The following ANAPC10 variants were observed in gnomAD, a reference collection of about 807,000 sequenced individuals.
The protein encoded by ANAPC10 is anaphase promoting complex subunit 10.
A neutral mutation model predicts 22.0 loss-of-function variants in ANAPC10; 12 were observed. The ratio of observed to expected loss-of-function variants is 0.55; its 90% CI spans 0.35 to 0.88. The LOEUF (loss-of-function observed/expected upper bound fraction) is 0.88. Among genes scored for constraint, ANAPC10 ranks in the 40% least tolerant of loss-of-function variants. The pLI is 0.01. For missense variants in ANAPC10, 188 were observed against 220.9 expected, an observed-to-expected ratio of 0.85 and a Z score of 0.94; for synonymous variants, 65 against 69.5, an observed-to-expected ratio of 0.94 and a Z score of 0.32.
chr4:145,006,495 T>C (rs919031248), intron 4 of ANAPC10, among the ~76,000 whole-genome samples: 5 of 152,102 alleles, frequency 3.3e-5, no homozygotes, highest in African/African-American at 1.2e-4. Flanking sequence ...TCAGACCAGA[T>C]GATACAAGAA....
At chr4:145,008,828 G>A (rs1304664388) in intron 4 of ANAPC10, among the ~76,000 whole-genome samples, 1 of 152,174 alleles carries the variant, frequency 6.6e-6, no homozygotes, top group Non-Finnish European at 1.5e-5. Context: ...AGTGTTGGAA[G>A]TTCTGGCCAG....
At chr4:145,013,996 G>C (rs1217620938) in intron 4 of ANAPC10, among the ~76,000 whole-genome samples, 2 of 152,114 alleles carry the variant, frequency 1.3e-5, no homozygotes, top group Non-Finnish European at 2.9e-5. Flanking sequence ...CAGGAGGGCG[G>C]CCAGCGGTGC....
chr4:145,083,103 T>C (rs537022930), intron 2 of ANAPC10, among the ~76,000 whole-genome samples: 2 of 152,170 alleles, frequency 1.3e-5, no homozygotes, highest in African/African-American at 4.8e-5. Context: ...ACTTAACATA[T>C]CTGGAGTTTT....
chr4:145,081,428 C>T (rs985210251), intron 3 of ANAPC10: 3 of 327,578 alleles, frequency 9.2e-6, no homozygotes, highest in Non-Finnish European at 1.6e-5. Flanking sequence ...TGAGAAACAT[C>T]TACATAAAAG....
At chr4:145,039,634 C>T (rs918544589) in intron 4 of ANAPC10, among the ~76,000 whole-genome samples, 2 of 151,912 alleles carry the variant, frequency 1.3e-5, no homozygotes, top group African/African-American at 4.8e-5. Flanking sequence ...CTCGCTCTGT[C>T]GCCTGGCTGG....
chr4:145,000,369 A>ACAAAC (rs1732337813), intron 4 of ANAPC10, among the ~76,000 whole-genome samples: 4 of 151,402 alleles, frequency 2.6e-5, no homozygotes, highest in Non-Finnish European at 5.9e-5. Flanking sequence ...AGAAAAAAAA[A>ACAAAC]CCATCAAAAA....
chr4:145,050,772 T>G (rs1740988840), intron 4 of ANAPC10, among the ~76,000 whole-genome samples: 1 of 152,220 alleles, frequency 6.6e-6, no homozygotes, highest in Non-Finnish European at 1.5e-5. Context: ...TGTAGCTTCC[T>G]CACCTCTCTC....
chr4:145,053,069 G>A (rs1741375045), intron 4 of ANAPC10, among the ~76,000 whole-genome samples: 5 of 152,122 alleles, frequency 3.3e-5, no homozygotes, highest in Admixed American at 3.3e-4. Flanking sequence ...TGATGAGGAA[G>A]AAGATTCAGA....
At position 145,036,912 on chromosome 4, in the gene ANAPC10, T is replaced by G. The variant is rs151148471; in HGVS notation, c.327+27660A>C. On this transcript the variant is annotated intron_variant, in intron 4 of 4. Transcript: ENST00000507656. ...AAGTTAACATAAAAAGGAAGGATCA[T>G]AGTTTTCCCTAAAGGGTAGGGGAAG... Among the ~76,000 whole-genome samples the G allele has an allele frequency of 4.1e-3, 616 of 151,942 alleles. 8 individuals carry two copies. The highest frequency in any genetic ancestry group is 0.014 in the African/African-American group (570 of 41,442).
intron 4 of ANAPC10, among the ~76,000 whole-genome samples, chr4:145,057,620 C>T (rs1274468365): frequency 6.6e-6 from 1 of 152,102 alleles, no homozygotes; most frequent in African/African-American, 2.4e-5. Context: ...GATCCATATA[C>T]CATACCCTAC....
intron 3 of ANAPC10, among the ~76,000 whole-genome samples, chr4:145,067,075 G>C (rs1016066219): frequency 1.3e-5 from 2 of 152,064 alleles, no homozygotes; most frequent in South Asian, 4.2e-4. Context: ...ATTTGCATAG[G>C]AAACTGTGAC....
intron 4 of ANAPC10, among the ~76,000 whole-genome samples, chr4:145,037,030 G>GTGTGTC (rs1738665131): frequency 7.0e-6 from 1 of 142,042 alleles, no homozygotes; most frequent in African/African-American, 2.6e-5. Context: ...GTGTGTGTGT[G>GTGTGTC]TGTGTGTGTA....
chr4:145,096,230 A>G (rs1748495826), intron 1 of ANAPC10, 119 bp from the exon 2 acceptor site: 2 of 1,047,820 alleles, frequency 1.9e-6, no homozygotes, highest in Admixed American at 5.4e-5. Flanking sequence ...ATTTATTCTG[A>G]AGAATGCAGT....
At chr4:145,027,396 G>A (rs1189841574) in intron 4 of ANAPC10, among the ~76,000 whole-genome samples, 2 of 151,968 alleles carry the variant, frequency 1.3e-5, no homozygotes, top group African/African-American at 2.4e-5. Flanking sequence ...TAATGCAGGA[G>A]GTTATCATAG....
rs116601349 is a variant in ANAPC10, at chr4:145,092,766, C to A, written c.115+3219G>T. On this transcript the variant is annotated intron_variant, in intron 2 of 4. Transcript: ENST00000507656. ...CAAAACGTTCTACCCTCCTTCCAAA[C>A]CCTTCTCTCCCATAGAGGAAAGGAC... Among the ~76,000 whole-genome samples the A allele has an allele frequency of 2.9e-3, 439 of 152,270 alleles. 4 individuals carry two copies. The highest frequency in any genetic ancestry group is 7.8e-3 in the African/African-American group (323 of 41,548).
At chr4:145,062,029 CTCCAGCCT>C (rs1476660353) in intron 4 of ANAPC10, among the ~76,000 whole-genome samples, 4 of 150,610 alleles carry the variant, frequency 2.7e-5, no homozygotes, top group Admixed American at 1.3e-4. Context: ...GGCCATTGCA[CTCCAGCCT>C]GGGTGACAGA....
chr4:145,006,005 T>A (rs1420805849), intron 4 of ANAPC10, among the ~76,000 whole-genome samples: 1 of 152,174 alleles, frequency 6.6e-6, no homozygotes, highest in Non-Finnish European at 1.5e-5. Flanking sequence ...ATCCTGAATA[T>A]CTGTGTTAGT....
At chr4:145,016,087 C>A (rs1301386781) in intron 4 of ANAPC10, among the ~76,000 whole-genome samples, 5 of 152,122 alleles carry the variant, frequency 3.3e-5, no homozygotes, top group Non-Finnish European at 5.9e-5. Flanking sequence ...TCTCACCACT[C>A]CTATTCAACA....
At chr4:145,025,685 TACTACAAGA>T (rs1736562005) in intron 4 of ANAPC10, among the ~76,000 whole-genome samples, 1 of 152,170 alleles carries the variant, frequency 6.6e-6, no homozygotes, top group Non-Finnish European at 1.5e-5. Flanking sequence ...AAGTTTGAAA[TACTACAAGA>T]ATTACCAAAA....
Sources: allele counts gnomAD v4.1 joint callset (sites outside exome capture counted in the v4.1 genomes callset), GRCh38; gene constraint gnomAD v4.1.1; transcripts MANE v1.5; gene names NCBI Gene and HGNC (gene_info 2026-07-23, HGNC 2026-07-21).